Variants in ACOT7 observed in about 807,000 individuals in gnomAD.
ACOT7 encodes acyl-CoA thioesterase 7, also known as cytosolic acyl coenzyme A thioester hydrolase.
In ACOT7, 12 loss-of-function variants were observed where a neutral mutation model predicts 40.2. That is an observed-to-expected ratio of 0.30 (90% CI 0.19 to 0.48). The LOEUF is 0.48. ACOT7 is among the 20% of genes least tolerant of loss of function. The probability of loss-of-function intolerance (pLI) is 0.99; values close to 1 mark genes in which losing one functional copy is unlikely to be tolerated. For synonymous variants in ACOT7, 228 were observed against 219.5 expected, an observed-to-expected ratio of 1.04 and a Z score of -0.34; for missense variants, 395 against 530.8, an observed-to-expected ratio of 0.74 and a Z score of 2.51.
intron 8 of ACOT7, among the ~76,000 whole-genome samples, chr1:6,276,473 C>G (rs774794786): frequency 1.3e-5 from 2 of 151,820 alleles, no homozygotes; most frequent in Non-Finnish European, 2.9e-5. Flanking sequence ...TGCGGCAGCC[C>G]CCAGCATAAA....
At chr1:6,385,683 A>G in intron 1 of ACOT7, 1 of 1,608,962 alleles carries the variant, frequency 6.2e-7, no homozygotes, top group Non-Finnish European at 8.5e-7. Context: ...GTAAGTGGGC[A>G]AACTGTTTAC....
chr1:6,388,524 A>C (rs1393363196), intron 1 of ACOT7, among the ~76,000 whole-genome samples: 2 of 146,644 alleles, frequency 1.4e-5, no homozygotes, highest in Non-Finnish European at 3.0e-5. Flanking sequence ...AGATCACTTA[A>C]GGTCAGGAGT....
chr1:6,301,487 C>G lies in ACOT7; in HGVS notation c.713-6507G>C, dbSNP rs1639972112. Among the ~76,000 whole-genome samples the G allele has an allele frequency of 6.6e-6, 1 of 152,154 alleles. No individual in the cohort carries two copies. The highest frequency in any genetic ancestry group is 2.4e-5 in the African/African-American group (1 of 41,438). On this transcript the variant is annotated intron_variant, in intron 6 of 8. Transcript: ENST00000361521. This position sits in a 1 kb window ranked among gnomAD's most constrained non-coding sequence, Gnocchi z 4.1. Reference sequence around the variant, plus strand: ...ACCACCCCCATGCTCCTGCAGGCTCCACACGGCACCCCCAGACCACACTGC... The same window carrying G: ...ACCACCCCCATGCTCCTGCAGGCTCGACACGGCACCCCCAGACCACACTGC...
chr1:6,322,948 T>C (rs1640689412), intron 5 of ACOT7, among the ~76,000 whole-genome samples: 1 of 151,784 alleles, frequency 6.6e-6, no homozygotes, highest in Admixed American at 6.6e-5. Flanking sequence ...CTGGCCAACA[T>C]GGTGAAACCC....
intron 5 of ACOT7, among the ~76,000 whole-genome samples, chr1:6,326,228 T>C (rs192722492): frequency 2.3e-4 from 35 of 152,254 alleles, no homozygotes; most frequent in Non-Finnish European, 3.8e-4. Context: ...GACCACCATG[T>C]GTGCAGTAGG....
intron 8 of ACOT7, among the ~76,000 whole-genome samples, chr1:6,273,869 G>C (rs1639112932): frequency 1.3e-5 from 2 of 152,348 alleles, no homozygotes; most frequent in Admixed American, 6.5e-5. Context: ...GCCAGCAGGA[G>C]CCTGTGGCAA....
chr1:6,277,690 G>A (rs1571262890), intron 8 of ACOT7, among the ~76,000 whole-genome samples: 1 of 152,296 alleles, frequency 6.6e-6, no homozygotes, highest in Admixed American at 6.5e-5. Context: ...CCAGGCCTCC[G>A]CTGAGGCTTT....
intron 6 of ACOT7, among the ~76,000 whole-genome samples, chr1:6,310,633 G>A (rs755287421): frequency 6.6e-6 from 1 of 152,240 alleles, no homozygotes; most frequent in Non-Finnish European, 1.5e-5. Flanking sequence ...GCCACCCAGG[G>A]CACTTGTTGC....
At chr1:6,393,195 C>A in intron 1 of ACOT7, 62 bp downstream of exon 1, 2 of 1,225,072 alleles carry the variant, frequency 1.6e-6, no homozygotes, top group South Asian at 3.9e-5. Flanking sequence ...CCAAGCGGGG[C>A]AGGCCTGGGG....
intron 3 of ACOT7, among the ~76,000 whole-genome samples, chr1:6,335,105 C>T (rs559739982): frequency 1.3e-5 from 2 of 151,798 alleles, no homozygotes; most frequent in African/African-American, 4.8e-5. Context: ...CCGAGGCAGG[C>T]GGATCACCTG....
rs565866021 is a variant in ACOT7 at position 6,311,004 on chromosome 1, C to G, written c.712+7488G>C. ...CCACCTGCCTTGGCCTCCCAAAGTG[C>G]TGGGATTACAGGTGTGAGCCACCAC... On this transcript the variant is annotated intron_variant, in intron 6 of 8. Coordinates refer to ENST00000361521, the MANE Select transcript of ACOT7 (RefSeq NM_007274.4). The surrounding 1 kb of genome is among the most constrained non-coding windows in gnomAD (Gnocchi z 5.2). 1.3e-5 allele frequency among the ~76,000 whole-genome samples: 2 copies of G among 152,340 alleles called. No homozygotes were observed. The highest frequency in any genetic ancestry group is 4.8e-5 in the African/African-American group (2 of 41,574).
At chr1:6,351,562 G>T (rs972602958) in intron 1 of ACOT7, among the ~76,000 whole-genome samples, 3 of 152,234 alleles carry the variant, frequency 2.0e-5, no homozygotes, top group Admixed American at 6.5e-5. Context: ...CGGGCAGAGG[G>T]TCACTTTCCA....
chr1:6,302,386 G>T (rs74845901), intron 6 of ACOT7, among the ~76,000 whole-genome samples: 1 of 151,966 alleles, frequency 6.6e-6, no homozygotes, highest in African/African-American at 2.4e-5. Context: ...CACTTAGAAC[G>T]GTCCAAAAAC....
intron 2 of ACOT7, among the ~76,000 whole-genome samples, chr1:6,340,471 G>A (rs542242312): frequency 2.4e-4 from 36 of 152,204 alleles, no homozygotes; most frequent in South Asian, 1.5e-3. Flanking sequence ...GGAAAATTTG[G>A]GAAATACAGA....
intron 1 of ACOT7, among the ~76,000 whole-genome samples, chr1:6,356,383 G>A (rs761434403): frequency 1.9e-4 from 29 of 152,090 alleles, no homozygotes; most frequent in Non-Finnish European, 3.2e-4. Flanking sequence ...AGGCAGCAGC[G>A]GCAGCACCCT....
chr1:6,308,664 A>AC (rs1557643665), intron 6 of ACOT7, among the ~76,000 whole-genome samples: 2 of 151,594 alleles, frequency 1.3e-5, no homozygotes, highest in Non-Finnish European at 2.9e-5. Flanking sequence ...AGGAACAGCA[A>AC]CAGGCAGAGG....
chr1:6,281,084 C>T lies in ACOT7; in HGVS notation c.1014+18G>A, dbSNP rs185940457. On this transcript the variant is annotated intron_variant, in intron 8 of 8. Transcript: ENST00000361521. ...TGCCTGGCAGGGAGGGGCCGCCGTT[C>T]CAAGGATGCGCACTCACCACCAGCT... 1 of 1,611,048 alleles carries T rather than the reference C, an allele frequency of 6.2e-7. No homozygotes were observed. Among genetic ancestry groups the T allele is most frequent in the Non-Finnish European group, 8.5e-7 (1 of 1,179,662 alleles).
At chr1:6,318,614 A>G (rs1640559686) in intron 5 of ACOT7, 36 bp from the exon 6 acceptor site, 1 of 1,602,460 alleles carries the variant, frequency 6.2e-7, no homozygotes, top group African/African-American at 1.3e-5. Flanking sequence ...GTTATGGGGT[A>G]GGCTGATTCC....
intron 1 of ACOT7, among the ~76,000 whole-genome samples, chr1:6,373,605 C>T (rs933643561): frequency 6.6e-6 from 1 of 151,820 alleles, no homozygotes; most frequent in Admixed American, 6.6e-5. Context: ...TGGCTCACGC[C>T]TATAATCCCA....
Sources: gnomAD v4.1 joint callset for allele counts (sites outside exome capture counted in the v4.1 genomes callset) on GRCh38, gnomAD v4.1.1 for gene constraint, Gnocchi (gnomAD v3.1) non-coding constraint, MANE v1.5 for transcripts, NCBI Gene and HGNC (gene_info 2026-07-23, HGNC 2026-07-21) for gene names.